Variants in IKBKB observed in about 807,000 individuals in gnomAD.
IKBKB encodes inhibitor of nuclear factor kappa B kinase subunit beta.
In IKBKB, 42 loss-of-function variants were observed where a neutral mutation model predicts 113.6. That is an observed-to-expected ratio of 0.37 (90% CI 0.29 to 0.48). The LOEUF is 0.48. IKBKB is among the 20% of genes least tolerant of loss of function. IKBKB has a pLI of 0.99. For synonymous variants in IKBKB, 296 were observed against 361.3 expected (o/e 0.82, Z 2.05); for missense variants, 673 against 939.7 (o/e 0.72, Z 3.71).
At chr8:42,303,137 G>A (rs1365232783) in intron 5 of IKBKB, among the ~76,000 whole-genome samples, 8 of 146,604 alleles carry the variant, frequency 5.5e-5, no homozygotes, top group Non-Finnish European at 1.2e-4. Context: ...GAGAGAGAGA[G>A]GAGAGAGAAT....
At chr8:42,318,314 G>A (rs937911933) in intron 12 of IKBKB, among the ~76,000 whole-genome samples, 20 of 151,770 alleles carry the variant, frequency 1.3e-4, no homozygotes, top group African/African-American at 4.8e-4. Flanking sequence ...ATACATATGT[G>A]TCCAATGGTT....
intron 4 of IKBKB, among the ~76,000 whole-genome samples, 195 bp downstream of exon 4, chr8:42,290,468 G>A (rs567537133): frequency 2.6e-5 from 4 of 152,136 alleles, no homozygotes; most frequent in East Asian, 1.9e-4. Context: ...AGTCAGAGGC[G>A]CTTCCGAGAA....
chr8:42,280,280 T>C lies in IKBKB; in HGVS notation c.105+8075T>C, dbSNP rs548642219. 1.9e-3 allele frequency among the ~76,000 whole-genome samples: 296 copies of C among 152,296 alleles called. 3 individuals carry two copies. In the Middle Eastern group the frequency reaches 0.024, roughly 12 times the overall value. On this transcript the variant is annotated intron_variant, in intron 2 of 21. Transcript: ENST00000520810. ...CACCACAACCTGCTTCCCCTGTTCT[T>C]GTGGTTCTCCTGCCACGCGGGCCTC...
intron 5 of IKBKB, 158 bp downstream of exon 5, chr8:42,293,670 G>GT: frequency 7.9e-7 from 1 of 1,264,328 alleles, no homozygotes; most frequent in Non-Finnish European, 1.1e-6. Context: ...GAGTAGGGAG[G>GT]TCAACAAGGA....
chr8:42,317,021 C>A, intron 11 of IKBKB, 117 bp downstream of exon 11: 2 of 988,458 alleles, frequency 2.0e-6, no homozygotes, highest in Non-Finnish European at 3.1e-6. Context: ...TCACACAGTG[C>A]GGATACCTGG....
intron 4 of IKBKB, 150 bp downstream of exon 4, chr8:42,290,423 C>G: frequency 1.6e-6 from 1 of 641,778 alleles, no homozygotes; most frequent in Non-Finnish European, 2.8e-6. Context: ...CTCAGATCCT[C>G]TGTTCCCTGC....
At chr8:42,319,962 A>T in intron 15 of IKBKB, 1 of 301,062 alleles carries the variant, frequency 3.3e-6, no homozygotes, top group Admixed American at 4.7e-5. Context: ...GATGATCAAC[A>T]CTCCCTCTTG....
chr8:42,303,070 A>G (rs1815639606), intron 5 of IKBKB, among the ~76,000 whole-genome samples: 1 of 146,446 alleles, frequency 6.8e-6, no homozygotes, highest in Admixed American at 6.7e-5. Context: ...GGAGAGAGAG[A>G]GAGAGAGAGA....
intron 2 of IKBKB, among the ~76,000 whole-genome samples, chr8:42,278,097 A>T (rs1421500640): frequency 2.0e-5 from 3 of 152,178 alleles, no homozygotes; most frequent in African/African-American, 7.2e-5. Context: ...GTGTCAGAGG[A>T]GGTTCCCCAA....
Position 42,320,773 on chromosome 8 carries a change from T to C in IKBKB, c.1617T>C (p.Ala539=), listed in dbSNP as rs1391173178. ...AACTCCTGGTAGAACGGATGATGGC[T>C]CTGCAGACCGACATTGTGGACTTAC... ...EVKLLVERMM[A]LQTDIVDLQR... Residue 539 remains alanine, a synonymous_variant, in exon 16 of 22, where the codon GCT becomes GCC. Transcript: ENST00000520810. 1 of 1,611,718 alleles carries C rather than the reference T, an allele frequency of 6.2e-7. No homozygotes were observed. The highest frequency in any genetic ancestry group is 8.5e-7 in the Non-Finnish European group (1 of 1,178,914).
rs1248932558 is a variant in IKBKB, at chr8:42,271,379, A to AG, written c.-103dup. ...AAGATTCCCGCATTTTAATGTTTTC[A>AG]GGGGGGTGTCATAGCCCCGGGTTTG... On this transcript the variant is annotated 5_prime_UTR_variant, in exon 1 of 22. It introduces an in-frame stop codon into an upstream open reading frame of the 5' UTR. Coordinates refer to ENST00000520810, the MANE Select transcript of IKBKB (RefSeq NM_001556.3). The AG allele has an allele frequency of 3.4e-5, 51 of 1,507,136 alleles. No individual in the cohort carries two copies. The highest frequency in any genetic ancestry group is 1.4e-4 in the South Asian group (12 of 83,520). 93.4% of individuals were successfully genotyped at this position (1,507,136 alleles called of 1,614,324 possible). A position where few individuals can be genotyped will look rare whatever the true frequency, so the allele number is the denominator to read the frequency against.
chr8:42,278,391 G>T (rs990447415), intron 2 of IKBKB, among the ~76,000 whole-genome samples: 2 of 152,200 alleles, frequency 1.3e-5, no homozygotes, highest in Non-Finnish European at 2.9e-5. Flanking sequence ...TTAGAGGGAG[G>T]CGCTGTGCCC....
At chr8:42,306,851 G>C (rs1816643762) in intron 7 of IKBKB, among the ~76,000 whole-genome samples, 1 of 152,342 alleles carries the variant, frequency 6.6e-6, no homozygotes. Flanking sequence ...CCACTGAGTA[G>C]GGGTCAGAGC....
At position 42,316,110 on chromosome 8, in the gene IKBKB, A is replaced by G; in HGVS notation, c.801-100A>G. 7.7e-7 allele frequency: 1 copy of G among 1,303,636 alleles called. No homozygotes were observed. The highest frequency in any genetic ancestry group is 1.1e-6 in the Non-Finnish European group (1 of 941,026). 80.8% of individuals were successfully genotyped at this position (1,303,636 alleles called of 1,614,324 possible). A position where few individuals can be genotyped will look rare whatever the true frequency, so the allele number is the denominator to read the frequency against. ...GATAAACCCATTTTCATTTTCAATC[A>G]CCGTCTACTGGCTGCCGTCTGTGTG... On this transcript the variant is annotated intron_variant, in intron 9 of 21. Coordinates refer to ENST00000520810, the MANE Select transcript of IKBKB (RefSeq NM_001556.3). This position sits in a 1 kb window ranked among gnomAD's most constrained non-coding sequence, Gnocchi z 4.5.
intron 20 of IKBKB, among the ~76,000 whole-genome samples, chr8:42,327,316 G>C (rs1045275816): frequency 3.5e-5 from 5 of 142,928 alleles, no homozygotes; most frequent in African/African-American, 1.3e-4. Context: ...TGGTGAGACT[G>C]TCTCTCTCTC....
At chr8:42,312,685 C>G (rs189149554) in intron 8 of IKBKB, among the ~76,000 whole-genome samples, 1 of 152,214 alleles carries the variant, frequency 6.6e-6, no homozygotes, top group Admixed American at 6.5e-5. Flanking sequence ...TCCACACTTA[C>G]ATAATTAGAA....
At chr8:42,288,529 G>A (rs1250274045) in intron 2 of IKBKB, 105 bp from the exon 3 acceptor site, 2 of 744,204 alleles carry the variant, frequency 2.7e-6, no homozygotes, top group African/African-American at 1.8e-5. Context: ...ACCAGGAGGT[G>A]ATTGCAGGTA....
intron 7 of IKBKB, among the ~76,000 whole-genome samples, chr8:42,307,244 A>G (rs1311956880): frequency 1.3e-5 from 2 of 152,202 alleles, no homozygotes; most frequent in East Asian, 3.8e-4. Context: ...GATCACACAC[A>G]GGAAGACCTG....
At chr8:42,303,060 GGAGAGA>G (rs34921450) in intron 5 of IKBKB, among the ~76,000 whole-genome samples, 4,113 of 114,192 alleles carry the variant, frequency 0.036, 82 homozygotes, top group Non-Finnish European at 0.044. Context: ...TTGCCGAGAG[GGAGAGA>G]GAGAGAGAGA....
Sources: gnomAD v4.1 joint callset for allele counts (sites outside exome capture counted in the v4.1 genomes callset) on GRCh38, gnomAD v4.1.1 for gene constraint, Gnocchi (gnomAD v3.1) non-coding constraint, MANE v1.5 for transcripts, NCBI Gene and HGNC (gene_info 2026-07-23, HGNC 2026-07-21) for gene names.